VSNL1: variants seen among roughly 807,000 people sequenced by gnomAD.
The protein encoded by VSNL1 is visinin like 1.
In VSNL1, 6 loss-of-function variants were observed where a neutral mutation model predicts 20.4. The ratio of observed to expected loss-of-function variants is 0.29; its 90% CI spans 0.16 to 0.58. The LOEUF (loss-of-function observed/expected upper bound fraction) is 0.58, where lower values mean the gene tolerates loss of function less well. Ranked by LOEUF, VSNL1 falls within the 20% of genes least tolerant of loss-of-function variation. VSNL1 has a pLI of 0.90. For missense variants in VSNL1, 100 were observed against 234.5 expected (o/e 0.43, Z 3.75); for synonymous variants, 93 against 86.4 (o/e 1.08, Z -0.42).
chr2:17,653,254 C>A (rs2103433939), intron 3 of VSNL1, among the ~76,000 whole-genome samples: 1 of 152,220 alleles, frequency 6.6e-6, no homozygotes, highest in Non-Finnish European at 1.5e-5. Flanking sequence ...TTAATGAGAT[C>A]CTGCCATTTT....
At chr2:17,543,361 G>A (rs995359672) in intron 1 of VSNL1, among the ~76,000 whole-genome samples, 1 of 152,244 alleles carries the variant, frequency 6.6e-6, no homozygotes, top group South Asian at 2.1e-4. Flanking sequence ...AATCCTTCAG[G>A]GAATCCAGCC....
At chr2:17,575,582 C>A (rs1664190587) in intron 1 of VSNL1, among the ~76,000 whole-genome samples, 1 of 151,920 alleles carries the variant, frequency 6.6e-6, no homozygotes. Context: ...GTCGCCCAGG[C>A]TGGAGTGCAG....
intron 1 of VSNL1, among the ~76,000 whole-genome samples, chr2:17,554,885 TAAC>T (rs1369299093): frequency 2.0e-5 from 3 of 152,226 alleles, no homozygotes; most frequent in African/African-American, 7.2e-5. Flanking sequence ...ACATTTTTAA[TAAC>T]ATTATAGCAG....
At chr2:17,569,338 T>A (rs761631290) in intron 1 of VSNL1, among the ~76,000 whole-genome samples, 15 of 151,264 alleles carry the variant, frequency 9.9e-5, no homozygotes, top group South Asian at 4.2e-4. Context: ...ATAAATAAAT[T>A]AAATAAAATA....
chr2:17,575,118 A>G (rs1664175954), intron 1 of VSNL1, among the ~76,000 whole-genome samples: 2 of 151,956 alleles, frequency 1.3e-5, no homozygotes, highest in African/African-American at 4.8e-5. Context: ...ATGAGCCACC[A>G]TGCCCAGCCT....
chr2:17,580,674 C>A lies in VSNL1; in HGVS notation c.-5-11396C>A, dbSNP rs117811300. ...CACCAGTTCATTGTAAGAACAAACCCTGGAGGCAGTTTGCAAATTGTAAAA... is the reference window on the plus strand; with the variant it reads ...CACCAGTTCATTGTAAGAACAAACCATGGAGGCAGTTTGCAAATTGTAAAA... On this transcript the variant is annotated intron_variant, in intron 1 of 3. Transcript: ENST00000295156. Among the ~76,000 whole-genome samples, 96 of 152,334 alleles carry A rather than the reference C, an allele frequency of 6.3e-4. No homozygotes were observed. In the East Asian group the frequency reaches 0.017, roughly 27 times the overall value.
chr2:17,602,395 T>C (rs989353728), intron 2 of VSNL1, among the ~76,000 whole-genome samples: 5 of 152,148 alleles, frequency 3.3e-5, no homozygotes, highest in African/African-American at 7.2e-5. Flanking sequence ...CTATTATAAC[T>C]GGGGGAGTGA....
chr2:17,653,511 A>G (rs1418676989), intron 3 of VSNL1, among the ~76,000 whole-genome samples: 1 of 152,226 alleles, frequency 6.6e-6, no homozygotes, highest in Non-Finnish European at 1.5e-5. Flanking sequence ...TGGCTACTAG[A>G]CTAATCAGGA....
intron 2 of VSNL1, among the ~76,000 whole-genome samples, chr2:17,611,624 G>C (rs1665089941): frequency 6.6e-6 from 1 of 152,164 alleles, no homozygotes; most frequent in Non-Finnish European, 1.5e-5. Context: ...AAACTCCCCA[G>C]ACTGGGCCAA....
chr2:17,558,877 A>C (rs549714350), intron 1 of VSNL1, among the ~76,000 whole-genome samples: 1 of 152,266 alleles, frequency 6.6e-6, no homozygotes, highest in African/African-American at 2.4e-5. Context: ...TCAGAGTTAA[A>C]TTCAGCTTAA....
At chr2:17,642,738 CAG>C (rs1039105371) in intron 2 of VSNL1, among the ~76,000 whole-genome samples, 3 of 152,202 alleles carry the variant, frequency 2.0e-5, no homozygotes, top group East Asian at 1.9e-4. Context: ...TCTGTGTAAA[CAG>C]AGAGATCTGG....
Position 17,649,372 on chromosome 2 carries a change from C to T in VSNL1, c.163-38C>T. On this transcript the variant is annotated intron_variant, in intron 2 of 3. Transcript: ENST00000295156. This position sits in a 1 kb window ranked among gnomAD's most constrained non-coding sequence, Gnocchi z 6.4. ...CCTACCTCGTCGCCCCGATTCCATC[C>T]CCTCCCGACACCTGACTGCGCGTGT... 1 of 1,603,576 alleles carries T rather than the reference C, an allele frequency of 6.2e-7. No homozygotes were observed. The highest frequency in any genetic ancestry group is 8.5e-7 in the Non-Finnish European group (1 of 1,170,528).
chr2:17,566,289 C>G (rs1663939763), intron 1 of VSNL1, among the ~76,000 whole-genome samples: 1 of 152,186 alleles, frequency 6.6e-6, no homozygotes, highest in African/African-American at 2.4e-5. Context: ...AGATCATGCT[C>G]TATATGCATC....
intron 1 of VSNL1, among the ~76,000 whole-genome samples, chr2:17,571,284 A>G (rs1442972013): frequency 6.6e-6 from 1 of 152,166 alleles, no homozygotes; most frequent in East Asian, 1.9e-4. Context: ...ACCTAACACA[A>G]CTAATAATAA....
At chr2:17,589,832 G>A (rs2103373970) in intron 1 of VSNL1, among the ~76,000 whole-genome samples, 1 of 152,316 alleles carries the variant, frequency 6.6e-6, no homozygotes, top group East Asian at 1.9e-4. Flanking sequence ...TCACTTCTGA[G>A]CTTGTGGTTT....
At chr2:17,591,300 T>A (rs1182379749) in intron 1 of VSNL1, among the ~76,000 whole-genome samples, 1 of 152,214 alleles carries the variant, frequency 6.6e-6, no homozygotes, top group Non-Finnish European at 1.5e-5. Flanking sequence ...TACTCCCTGC[T>A]GTGATGTTGG....
rs1036216350 is a variant in VSNL1, at chr2:17,551,588, C to A, written c.-6+10670C>A. Among the ~76,000 whole-genome samples the A allele has an allele frequency of 2.2e-4, 34 of 152,066 alleles. 2 individuals are homozygous for A. The highest frequency in any genetic ancestry group is 5.9e-5 in the Non-Finnish European group (4 of 68,026). ...TATGATTCATTCTTAAAACAAGAGG[C>A]CTTGGCCAGAATTGCTGGTATGGGT... On this transcript the variant is annotated intron_variant, in intron 1 of 3. Coordinates refer to ENST00000295156, the MANE Select transcript of VSNL1 (RefSeq NM_003385.5).
chr2:17,566,101 C>T (rs968416508), intron 1 of VSNL1, among the ~76,000 whole-genome samples: 4 of 152,122 alleles, frequency 2.6e-5, no homozygotes, highest in South Asian at 2.1e-4. Context: ...TTATTAGCAG[C>T]GTGAGAACAG....
intron 2 of VSNL1, among the ~76,000 whole-genome samples, chr2:17,644,789 C>T (rs1226365512): frequency 1.3e-5 from 2 of 152,158 alleles, no homozygotes; most frequent in Non-Finnish European, 2.9e-5. Flanking sequence ...GTAGCAGGGC[C>T]TGAAGAGGTA....
Sources: gnomAD v4.1 joint callset for allele counts (sites outside exome capture counted in the v4.1 genomes callset) on GRCh38, gnomAD v4.1.1 for gene constraint, Gnocchi (gnomAD v3.1) non-coding constraint, MANE v1.5 for transcripts, NCBI Gene and HGNC (gene_info 2026-07-23, HGNC 2026-07-21) for gene names.